GRAMD1C: variants seen among roughly 807,000 people sequenced by gnomAD.
The protein encoded by GRAMD1C is protein Aster-C.
A neutral mutation model predicts 97.8 loss-of-function variants in GRAMD1C; 89 were observed. The observed-to-expected ratio is 0.91, with a 90% CI of 0.77 to 1.09. The LOEUF is 1.09. GRAMD1C is among the 50% of genes least tolerant of loss of function. The pLI is 0.00. For missense variants in GRAMD1C, 740 were observed against 766.4 expected, an observed-to-expected ratio of 0.97 and a Z score of 0.41; for synonymous variants, 256 against 267.0, an observed-to-expected ratio of 0.96 and a Z score of 0.40.
intron 2 of GRAMD1C, chr3:113,850,257 G>A: frequency 4.7e-6 from 3 of 637,466 alleles, no homozygotes; most frequent in Non-Finnish European, 8.8e-6. Flanking sequence ...GGCTGACCAC[G>A]TCCACGACCA....
intron 1 of GRAMD1C, among the ~76,000 whole-genome samples, chr3:113,841,285 C>CTTTCTTTTTT (rs1553714128): frequency 3.2e-5 from 3 of 94,338 alleles, no homozygotes; most frequent in Non-Finnish European, 5.9e-5. Context: ...TTCTTTCTTT[C>CTTTCTTTTTT]TTTTTTTTTT....
chr3:113,892,335 G>A (rs1451825642), intron 6 of GRAMD1C, among the ~76,000 whole-genome samples: 1 of 152,036 alleles, frequency 6.6e-6, no homozygotes, highest in African/African-American at 2.4e-5. Context: ...AGCTGCGCGT[G>A]GTGGCAGGCA....
rs1477307113 is a variant in GRAMD1C, at chr3:113,946,707, T to C, written c.*1229T>C. 1 of 152,192 alleles carries C rather than the reference T, an allele frequency of 6.6e-6. No individual in the cohort carries two copies. Among genetic ancestry groups the C allele is most frequent in the Non-Finnish European group, 1.5e-5 (1 of 68,042 alleles). 9.4% of individuals were successfully genotyped at this position (152,192 alleles called of 1,614,324 possible). ...AAACTGTGTATACATTCTTACTGTTTGAACAACTATTGCCTTTAATTAAAT... is the reference window on the plus strand; with the variant it reads ...AAACTGTGTATACATTCTTACTGTTCGAACAACTATTGCCTTTAATTAAAT... On this transcript the variant is annotated 3_prime_UTR_variant, in exon 18 of 18. Transcript: ENST00000358160.
In GRAMD1C at chr3:113,930,816, C is replaced by A; in HGVS notation, c.1193C>A (p.Ala398Asp). 6.3e-7 allele frequency: 1 copy of A among 1,584,690 alleles called. No individual in the cohort carries two copies. Among genetic ancestry groups the A allele is most frequent in the Non-Finnish European group, 8.7e-7 (1 of 1,153,320 alleles). ...LNSPLTGKCT[A>D]ATEKQTLYKE... is the part of the protein sequence containing the mutation. ...AGTCCACTTACTGGAAAATGCACTG[C>A]TGCCACTGAAAAGCAGGTACGTCTG... Residue 398 changes from alanine (A) to aspartate (D), a missense_variant, in exon 11 of 18, where the codon GCT (alanine) becomes GAT (aspartate). Transcript: ENST00000358160.
chr3:113,833,341 T>C (rs1709586979), intron 1 of GRAMD1C, among the ~76,000 whole-genome samples: 1 of 151,984 alleles, frequency 6.6e-6, no homozygotes, highest in African/African-American at 2.4e-5. Context: ...TTTCTCCATG[T>C]TGGTCAGGCT....
intron 6 of GRAMD1C, among the ~76,000 whole-genome samples, chr3:113,887,102 T>TTG (rs1297268352): frequency 1.4e-5 from 2 of 140,982 alleles, no homozygotes; most frequent in Admixed American, 1.4e-4. Flanking sequence ...TTTTGTTTTT[T>TTG]TTTTTTTTTG....
intron 10 of GRAMD1C, among the ~76,000 whole-genome samples, chr3:113,925,652 T>C (rs532293790): frequency 6.6e-6 from 1 of 152,314 alleles, no homozygotes; most frequent in African/African-American, 2.4e-5. Flanking sequence ...GCAGACTTGA[T>C]TGTGTAGTTG....
chr3:113,884,312 A>G (rs1935368646), intron 6 of GRAMD1C, among the ~76,000 whole-genome samples: 2 of 152,210 alleles, frequency 1.3e-5, no homozygotes, highest in South Asian at 4.1e-4. Context: ...GGACATTTGG[A>G]AAATTCACAA....
At chr3:113,943,319 T>TA (rs1321413044) in intron 17 of GRAMD1C, among the ~76,000 whole-genome samples, 2 of 152,188 alleles carry the variant, frequency 1.3e-5, no homozygotes, top group Non-Finnish European at 2.9e-5. Flanking sequence ...TTTAAAACCA[T>TA]AAAAAAATCT....
At position 113,946,874 on chromosome 3, in the gene GRAMD1C, G is replaced by T. The variant is rs1348124079; in HGVS notation, c.*1396G>T. On this transcript the variant is annotated 3_prime_UTR_variant, in exon 18 of 18. Coordinates refer to ENST00000358160, the MANE Select transcript of GRAMD1C (RefSeq NM_017577.5). ...GAATTCCAACGAAGCATACCTAGGG[G>T]TAACAGTGAACCTACCTGGGTTTGT... The T allele has an allele frequency of 6.6e-6, 1 of 152,200 alleles. No homozygotes were observed. Among genetic ancestry groups the T allele is most frequent in the Non-Finnish European group, 1.5e-5 (1 of 68,046 alleles). The allele number at this position is 152,200 out of a possible 1,614,324, so 9.4% of individuals were successfully genotyped here.
chr3:113,944,069 G>C (rs911269521), intron 17 of GRAMD1C, among the ~76,000 whole-genome samples: 1 of 151,868 alleles, frequency 6.6e-6, no homozygotes, highest in Non-Finnish European at 1.5e-5. Context: ...ATAACCACAC[G>C]TTCCAATGAC....
intron 1 of GRAMD1C, among the ~76,000 whole-genome samples, chr3:113,841,570 G>C (rs1933315841): frequency 6.6e-6 from 1 of 152,156 alleles, no homozygotes; most frequent in African/African-American, 2.4e-5. Flanking sequence ...TTACAGCATG[G>C]CGTGAGCCAC....
intron 2 of GRAMD1C, among the ~76,000 whole-genome samples, chr3:113,858,393 CATTTTTTTT>C (rs977790001): frequency 1.3e-5 from 1 of 76,608 alleles, no homozygotes; most frequent in African/African-American, 8.5e-5. Context: ...ATCCCAGCTA[CATTTTTTTT>C]TTTTTTTTTT....
chr3:113,905,683 G>A (rs377103733), intron 8 of GRAMD1C, among the ~76,000 whole-genome samples: 1 of 151,808 alleles, frequency 6.6e-6, no homozygotes, highest in South Asian at 2.1e-4. Flanking sequence ...TGCATATGTG[G>A]TGGTGGTCTC....
intron 9 of GRAMD1C, among the ~76,000 whole-genome samples, chr3:113,911,163 C>CAG (rs1241810114): frequency 2.8e-5 from 3 of 107,914 alleles, no homozygotes; most frequent in Non-Finnish European, 3.7e-5. Context: ...CAGGGAACAA[C>CAG]AGAGAGAGAG....
chr3:113,837,216 C>T (rs1709647532), upstream of GRAMD1C, among the ~76,000 whole-genome samples: 1 of 152,100 alleles, frequency 6.6e-6, no homozygotes, highest in South Asian at 2.1e-4. Context: ...AAGCAACCCT[C>T]CCACCTTAGT....
At chr3:113,834,343 C>T (rs1451900762), upstream of GRAMD1C, among the ~76,000 whole-genome samples, 1 of 151,990 alleles carries the variant, frequency 6.6e-6, no homozygotes, top group Non-Finnish European at 1.5e-5. Context: ...CCACGCCTGG[C>T]TAATTTTTGC....
At chr3:113,912,955 T>C in intron 9 of GRAMD1C, 1 of 252,558 alleles carries the variant, frequency 4.0e-6, no homozygotes, top group Non-Finnish European at 7.8e-6. Context: ...TTTTAAGGAC[T>C]CTTTTTCTTA....
intron 10 of GRAMD1C, among the ~76,000 whole-genome samples, chr3:113,928,964 T>A (rs1378928434): frequency 8.6e-6 from 1 of 116,274 alleles, no homozygotes. Context: ...GGTCCCTGCT[T>A]CCAGTTCTTT....
Sources: allele counts gnomAD v4.1 joint callset (sites outside exome capture counted in the v4.1 genomes callset), GRCh38; gene constraint gnomAD v4.1.1; transcripts MANE v1.5; gene names NCBI Gene and HGNC (gene_info 2026-07-23, HGNC 2026-07-21).